The following MTREX variants were observed in gnomAD, a reference collection of about 807,000 sequenced individuals.
MTREX encodes Mtr4 exosome RNA helicase.
In MTREX, 76 loss-of-function variants were observed where a neutral mutation model predicts 135.4. The ratio of observed to expected loss-of-function variants is 0.56; its 90% CI spans 0.47 to 0.68. The LOEUF (loss-of-function observed/expected upper bound fraction) is 0.68. Ranked by LOEUF, MTREX falls within the 30% of genes least tolerant of loss-of-function variation. The pLI is 0.00. For missense variants in MTREX, 920 were observed against 1,262.1 expected, an observed-to-expected ratio of 0.73 and a Z score of 4.11; for synonymous variants, 404 against 401.6, an observed-to-expected ratio of 1.01 and a Z score of -0.07.
At chr5:55,419,993 C>G (rs1419167387) in intron 25 of MTREX, among the ~76,000 whole-genome samples, 1 of 152,124 alleles carries the variant, frequency 6.6e-6, no homozygotes, top group Non-Finnish European at 1.5e-5. Context: ...AATAGAGTAA[C>G]AATTTATTAG....
intron 22 of MTREX, among the ~76,000 whole-genome samples, chr5:55,405,976 A>G (rs986370067): frequency 1.3e-5 from 2 of 152,126 alleles, no homozygotes; most frequent in Non-Finnish European, 1.5e-5. Flanking sequence ...ATAATTTTGT[A>G]TACTTTTTAA....
At chr5:55,415,836 A>AAGAAAAAGGGACCTCCTGGAATACTG in intron 24 of MTREX, 134 bp from the exon 25 acceptor site, 1 of 560,106 alleles carries the variant, frequency 1.8e-6, no homozygotes, top group Non-Finnish European at 3.1e-6. Context: ...CCTACTTAGG[A>AAGAAAAAGGGACCTCCTGGAATACTG]GCAGAATGTC....
Position 55,308,103 on chromosome 5 carries a change from C to A in MTREX, c.90C>A (p.Asp30Glu), listed in dbSNP as rs1485203869. Residue 30 changes from aspartate (D) to glutamate (E), a missense_variant, in exon 1 of 27, where the codon GAC becomes GAA. Asp to Glu is a conservative substitution (Grantham distance 45, BLOSUM62 2). Around this residue, in one of 6 missense-constraint regions of MTREX, gnomAD observed 136 missense variants for 126.7 expected, o/e 1.07. Transcript: ENST00000230640. The part of the protein sequence containing the change: ...AAGTKKDKEK[D>E]KGKWKGPPGS... ...GAACCAAAAAAGACAAGGAAAAGGA[C>A]AAGGGGAAATGGAAGGGGCCTCCAG... The A allele has an allele frequency of 6.2e-7, 1 of 1,613,440 alleles. No individual in the cohort carries two copies. Among genetic ancestry groups the A allele is most frequent in the Non-Finnish European group, 8.5e-7 (1 of 1,179,838 alleles).
In MTREX at chr5:55,308,165, G is replaced by C. The variant is rs374529416; in HGVS notation, c.134+18G>C. 1.7e-5 allele frequency: 26 copies of C among 1,564,970 alleles called. No individual in the cohort carries two copies. The highest frequency in any genetic ancestry group is 2.1e-5 in the Non-Finnish European group (24 of 1,159,726). On this transcript the variant is annotated intron_variant, in intron 1 of 26. Transcript: ENST00000230640. ...AAGGCAGGGTAAGGAAGAAGTTCCAGTTGTTGCTTTTATTTTTTTTCTCGG... is the reference window on the plus strand; with the variant it reads ...AAGGCAGGGTAAGGAAGAAGTTCCACTTGTTGCTTTTATTTTTTTTCTCGG...
chr5:55,391,186 A>G (rs1352251880), intron 19 of MTREX, among the ~76,000 whole-genome samples: 2 of 152,184 alleles, frequency 1.3e-5, no homozygotes, highest in Non-Finnish European at 2.9e-5. Flanking sequence ...CATGCTTATA[A>G]TCCCAGCACT....
chr5:55,322,142 A>C (rs1388011241), intron 1 of MTREX, among the ~76,000 whole-genome samples, 185 bp from the exon 2 acceptor site: 2 of 152,248 alleles, frequency 1.3e-5, no homozygotes, highest in Non-Finnish European at 2.9e-5. Context: ...ATACAAATGC[A>C]GTAAAGTATT....
chr5:55,340,268 G>A, intron 6 of MTREX, 84 bp downstream of exon 6: 1 of 1,099,772 alleles, frequency 9.1e-7, no homozygotes, highest in South Asian at 2.3e-5. Flanking sequence ...AAGTTTTATT[G>A]GTTGCTCTAC....
chr5:55,404,508 A>G (rs148597174), intron 21 of MTREX, among the ~76,000 whole-genome samples: 1 of 152,254 alleles, frequency 6.6e-6, no homozygotes, highest in African/African-American at 2.4e-5. Flanking sequence ...TGGGGGAAAT[A>G]TAGATAGTCA....
At chr5:55,348,981 G>T (rs191534276) in intron 11 of MTREX, among the ~76,000 whole-genome samples, 4 of 152,156 alleles carry the variant, frequency 2.6e-5, no homozygotes, top group Admixed American at 2.6e-4. Context: ...CCTGTGTCCT[G>T]TAATTGTTAG....
At chr5:55,341,623 T>A in intron 6 of MTREX, 58 bp from the exon 7 acceptor site, 4 of 848,810 alleles carry the variant, frequency 4.7e-6, no homozygotes, top group Non-Finnish European at 7.3e-6. Context: ...AACTTTTCTC[T>A]AACTATTAGC....
chr5:55,332,724 A>G (rs1749497257), intron 5 of MTREX, among the ~76,000 whole-genome samples: 3 of 152,150 alleles, frequency 2.0e-5, no homozygotes, highest in African/African-American at 7.2e-5. Flanking sequence ...ATGAAGATGG[A>G]GCTTTCATGA....
intron 19 of MTREX, among the ~76,000 whole-genome samples, chr5:55,395,107 T>C (rs967443482): frequency 6.0e-5 from 9 of 150,620 alleles, no homozygotes; most frequent in Admixed American, 6.0e-4. Flanking sequence ...GAGAGATATA[T>C]AAAATATAAA....
chr5:55,404,341 T>G (rs1303259540), intron 21 of MTREX, among the ~76,000 whole-genome samples: 1 of 152,206 alleles, frequency 6.6e-6, no homozygotes, highest in African/African-American at 2.4e-5. Flanking sequence ...AAAACTTATC[T>G]ACTCTAAAGG....
intron 22 of MTREX, among the ~76,000 whole-genome samples, chr5:55,409,545 A>G (rs1750855015): frequency 6.6e-6 from 1 of 152,228 alleles, no homozygotes; most frequent in Admixed American, 6.5e-5. Flanking sequence ...TATTGTCCTT[A>G]TAAGTCTGTA....
chr5:55,344,697 T>G (rs1166414506), intron 9 of MTREX, 77 bp downstream of exon 9: 9 of 835,494 alleles, frequency 1.1e-5, no homozygotes, highest in Non-Finnish European at 1.6e-5. Context: ...TGTTTTTAAA[T>G]TTTGAATTAG....
In MTREX at chr5:55,425,458, G is replaced by T; in HGVS notation, c.*686G>T. On this transcript the variant is annotated 3_prime_UTR_variant, in exon 27 of 27. Transcript: ENST00000230640. ...ATATACTTTGAGGTGTACAGATTAA[G>T]CATATAAAAAATTAGAGACTAACTG... The T allele has an allele frequency of 1.1e-6, 1 of 896,514 alleles. No homozygotes were observed. The highest frequency in any genetic ancestry group is 1.6e-6 in the Non-Finnish European group (1 of 633,598). The allele number at this position is 896,514 out of a possible 1,614,324, so 55.5% of individuals were successfully genotyped here.
Position 55,400,258 on chromosome 5 carries a change from G to C in MTREX, c.2318G>C (p.Gly773Ala). 1.3e-6 allele frequency: 2 copies of C among 1,573,454 alleles called. No individual in the cohort carries two copies. The highest frequency in any genetic ancestry group is 1.7e-6 in the Non-Finnish European group (2 of 1,161,666). Reference protein sequence around the residue: ...IQEVQKRFPDGIPLLDPIDDM... With the variant: ...IQEVQKRFPDAIPLLDPIDDM... The stretch of plus-strand genomic sequence containing the variant: ...GAAGTTCAGAAACGTTTTCCTGACG[G>C]CATCCCCTTATTAGACCCTATTGAT... The change falls in exon 21 of 27, where the codon GGC becomes GCC. Residue 773 changes from glycine (G) to alanine (A), a missense_variant. Gly to Ala is a moderately conservative substitution (Grantham distance 60). Transcript: ENST00000230640.
At position 55,392,434 on chromosome 5, in the gene MTREX, T is replaced by C. The variant is rs1242407447; in HGVS notation, c.2181+4332T>C. Among the ~76,000 whole-genome samples the C allele has an allele frequency of 1.3e-5, 2 of 151,894 alleles. 1 individual carries two copies. The highest frequency in any genetic ancestry group is 3.9e-4 in the East Asian group (2 of 5,164). Reference sequence around the variant, plus strand: ...GGTGTGCGCTGGTAGCTTCAGCTATTCGAGAGGCTGAGGCAGGAGACTTAC... The same window carrying C: ...GGTGTGCGCTGGTAGCTTCAGCTATCCGAGAGGCTGAGGCAGGAGACTTAC... On this transcript the variant is annotated intron_variant, in intron 19 of 26. Transcript: ENST00000230640.
At chr5:55,393,634 A>T (rs1200340547) in intron 19 of MTREX, among the ~76,000 whole-genome samples, 3 of 152,194 alleles carry the variant, frequency 2.0e-5, no homozygotes, top group African/African-American at 7.2e-5. Flanking sequence ...AAAAGGTCTA[A>T]GGATAAAAAT....
Sources: gnomAD v4.1 joint callset for allele counts (sites outside exome capture counted in the v4.1 genomes callset) on GRCh38, gnomAD v4.1.1 for gene constraint, gnomAD v4.1.1 regional missense constraint, MANE v1.5 for transcripts, NCBI Gene and HGNC (gene_info 2026-07-23, HGNC 2026-07-21) for gene names.